Variants in AFG1L observed in about 807,000 individuals in gnomAD.
AFG1L encodes AFG1 like ATPase.
In AFG1L, 53 loss-of-function variants were observed where a neutral mutation model predicts 62.2. The observed-to-expected ratio is 0.85, with a 90% CI of 0.68 to 1.07. The LOEUF is 1.07. AFG1L is among the 50% of genes least tolerant of loss of function. The pLI, the probability that AFG1L is intolerant of heterozygous loss-of-function variation, is 0.00. For missense variants in AFG1L, 555 were observed against 590.5 expected (o/e 0.94, Z 0.62); for synonymous variants, 228 against 210.3 (o/e 1.08, Z -0.73).
chr6:108,392,702 A>G (rs1310208246), intron 6 of AFG1L, among the ~76,000 whole-genome samples: 1 of 152,160 alleles, frequency 6.6e-6, no homozygotes, highest in African/African-American at 2.4e-5. Flanking sequence ...AATAGTCTAT[A>G]GGTAGTCTTT....
At chr6:108,416,760 A>G (rs932692524) in intron 7 of AFG1L, among the ~76,000 whole-genome samples, 1 of 152,112 alleles carries the variant, frequency 6.6e-6, no homozygotes, top group Non-Finnish European at 1.5e-5. Flanking sequence ...AACATCACAC[A>G]CTGGGGCCTG....
At chr6:108,499,639 C>A (rs943584962) in intron 10 of AFG1L, among the ~76,000 whole-genome samples, 9 of 149,478 alleles carry the variant, frequency 6.0e-5, no homozygotes, top group African/African-American at 2.2e-4. Flanking sequence ...GTAGTTCTAG[C>A]TACTCAGGAG....
At chr6:108,450,660 A>G (rs1772013881) in intron 8 of AFG1L, among the ~76,000 whole-genome samples, 1 of 152,200 alleles carries the variant, frequency 6.6e-6, no homozygotes, top group Non-Finnish European at 1.5e-5. Context: ...TATTTTAGAC[A>G]TGAAGTCCTT....
intron 8 of AFG1L, among the ~76,000 whole-genome samples, chr6:108,473,922 A>G (rs192483218): frequency 2.6e-5 from 4 of 152,228 alleles, no homozygotes; most frequent in Admixed American, 1.3e-4. Flanking sequence ...GGATGTGCAG[A>G]TTTGTTACAT....
rs566018269 is a variant in AFG1L at position 108,353,711 on chromosome 6, A to G, written c.416-1943A>G. On this transcript the variant is annotated intron_variant, in intron 3 of 12. Transcript: ENST00000368977. Reference sequence around the variant, plus strand: ...TTTATTCTGAATCTATAAGTATACTACACTGCATGCAGCAGAATTTGAAAC... The same window carrying G: ...TTTATTCTGAATCTATAAGTATACTGCACTGCATGCAGCAGAATTTGAAAC... Among the ~76,000 whole-genome samples the G allele has an allele frequency of 7.9e-5, 12 of 152,274 alleles. No individual in the cohort carries two copies. The East Asian group carries it at 2.3e-3, about 29-fold the overall frequency.
chr6:108,517,574 A>G (rs570040134), intron 11 of AFG1L, among the ~76,000 whole-genome samples: 1 of 152,360 alleles, frequency 6.6e-6, no homozygotes, highest in East Asian at 1.9e-4. Context: ...AGGCAATACC[A>G]TTCAGGACAT....
intron 1 of AFG1L, among the ~76,000 whole-genome samples, chr6:108,310,520 C>G (rs1300240547): frequency 6.6e-6 from 1 of 151,044 alleles, no homozygotes; most frequent in Non-Finnish European, 1.5e-5. Context: ...GATTCCTTAT[C>G]AGAGATGTGA....
At chr6:108,317,226 A>C (rs987262421) in intron 1 of AFG1L, among the ~76,000 whole-genome samples, 1 of 152,176 alleles carries the variant, frequency 6.6e-6, no homozygotes, top group Non-Finnish European at 1.5e-5. Context: ...TGCAGTAGAG[A>C]AAAGAGTTTA....
At chr6:108,411,715 TAACA>T (rs1175801258) in intron 7 of AFG1L, among the ~76,000 whole-genome samples, 1 of 152,098 alleles carries the variant, frequency 6.6e-6, no homozygotes, top group Non-Finnish European at 1.5e-5. Context: ...GAAGGAAAAC[TAACA>T]AACAGAAAGG....
At chr6:108,406,560 C>T (rs951764136) in intron 7 of AFG1L, among the ~76,000 whole-genome samples, 4 of 152,128 alleles carry the variant, frequency 2.6e-5, no homozygotes, top group African/African-American at 9.7e-5. Flanking sequence ...TCCTCAGCCT[C>T]CCGAGTAGCT....
At chr6:108,458,123 G>A (rs1772321188) in intron 8 of AFG1L, among the ~76,000 whole-genome samples, 1 of 152,022 alleles carries the variant, frequency 6.6e-6, no homozygotes. Context: ...GCATTGGTGT[G>A]GTTTTCAGCA....
At chr6:108,295,356 T>G in intron 1 of AFG1L, 138 bp downstream of exon 1, 1 of 943,608 alleles carries the variant, frequency 1.1e-6, no homozygotes, top group Non-Finnish European at 1.6e-6. Context: ...GAGTTTCCAT[T>G]TCTCTTGACC....
chr6:108,370,202 A>G (rs1779942606), intron 6 of AFG1L, among the ~76,000 whole-genome samples: 1 of 152,146 alleles, frequency 6.6e-6, no homozygotes, highest in East Asian at 1.9e-4. Flanking sequence ...TTCTAAGAGA[A>G]ACGCTAAGCC....
At chr6:108,332,824 C>G (rs530369034) in intron 2 of AFG1L, among the ~76,000 whole-genome samples, 38 of 152,186 alleles carry the variant, frequency 2.5e-4, no homozygotes, top group Non-Finnish European at 4.3e-4. Context: ...CTCGGCTGGT[C>G]TTAAACTCCT....
intron 8 of AFG1L, among the ~76,000 whole-genome samples, chr6:108,464,817 GCTT>G (rs1167843697): frequency 2.0e-5 from 3 of 151,966 alleles, no homozygotes; most frequent in African/African-American, 7.3e-5. Flanking sequence ...GAGTGACTCT[GCTT>G]CTTCATCAGA....
intron 10 of AFG1L, among the ~76,000 whole-genome samples, chr6:108,483,234 A>AT (rs1420806467): frequency 2.0e-5 from 3 of 152,160 alleles, no homozygotes; most frequent in African/African-American, 7.2e-5. Flanking sequence ...GTATTTTTTC[A>AT]TAAAAATGTG....
intron 6 of AFG1L, among the ~76,000 whole-genome samples, chr6:108,384,241 A>G (rs1562123457): frequency 6.6e-5 from 10 of 152,172 alleles, no homozygotes. Flanking sequence ...GAAAAACCAG[A>G]TGACAGAGTT....
intron 10 of AFG1L, among the ~76,000 whole-genome samples, chr6:108,503,925 CCAACCTCT>C (rs1445347790): frequency 6.6e-6 from 1 of 152,244 alleles, no homozygotes; most frequent in African/African-American, 2.4e-5. Context: ...ACCTCATGAA[CCAACCTCT>C]GCTGGTTTCC....
chr6:108,498,213 G>A (rs904066727), intron 10 of AFG1L, among the ~76,000 whole-genome samples: 25 of 152,158 alleles, frequency 1.6e-4, no homozygotes, highest in African/African-American at 5.6e-4. Context: ...TCTGTTGGCC[G>A]TGGTAAAGTT....
Sources: allele counts gnomAD v4.1 joint callset (sites outside exome capture counted in the v4.1 genomes callset), GRCh38; gene constraint gnomAD v4.1.1; transcripts MANE v1.5; gene names NCBI Gene and HGNC (gene_info 2026-07-23, HGNC 2026-07-21).